BCAR3: variants seen among roughly 807,000 people sequenced by gnomAD.
BCAR3 encodes breast cancer anti-estrogen resistance protein 3.
BCAR3 carries 37 observed loss-of-function variants against 80.1 expected under a neutral mutation model. The ratio of observed to expected loss-of-function variants is 0.46; its 90% CI spans 0.36 to 0.61. The LOEUF (loss-of-function observed/expected upper bound fraction) is 0.61, where lower values mean the gene tolerates loss of function less well. Ranked by LOEUF, BCAR3 falls within the 20% of genes least tolerant of loss-of-function variation. The pLI is 0.00. For missense variants in BCAR3, 978 were observed against 1,068.2 expected (o/e 0.92, Z 1.18); for synonymous variants, 389 against 418.9 (o/e 0.93, Z 0.87).
intron 3 of BCAR3, among the ~76,000 whole-genome samples, chr1:93,620,999 G>A (rs1470866969): frequency 1.3e-5 from 2 of 152,238 alleles, no homozygotes; most frequent in African/African-American, 4.8e-5. Flanking sequence ...AGGCTGCCAA[G>A]TGGCTGAGTG....
intron 2 of BCAR3, among the ~76,000 whole-genome samples, chr1:93,824,928 GAA>G (rs143045573): frequency 0.026 from 3,481 of 133,780 alleles, 464 homozygotes; most frequent in African/African-American, 0.084. Context: ...GCCATCCCAA[GAA>G]AGAGTCTGTG....
chr1:93,845,537 C>T (rs553801623), intron 2 of BCAR3: 1 of 122,682 alleles, frequency 8.2e-6, no homozygotes, highest in East Asian at 2.3e-4. Context: ...ATTAAATAGG[C>T]CTGGCACCAA....
chr1:93,846,741 C>T (rs1331269667), intron 1 of BCAR3: 2 of 392,840 alleles, frequency 5.1e-6, no homozygotes, highest in Admixed American at 7.0e-5. Context: ...CAGTCGCGGG[C>T]CCCGGGCGCG....
At position 93,681,590 on chromosome 1, in the gene BCAR3, A is replaced by AGACTCACCTCCCGGCGCGGCGCT. The variant is rs1415790434; in HGVS notation, c.-27_-12+7dup. On this transcript the variant is annotated splice_region_variant and intron_variant, in intron 1 of 11. Coordinates refer to ENST00000260502, the MANE Select transcript of BCAR3 (RefSeq NM_003567.4). The stretch of plus-strand genomic sequence containing the variant: ...CCCGAGGACGCTGGGCGCGCGGCGG[A>AGACTCACCTCCCGGCGCGGCGCT]GACTCACCTCCCGGCGCGGCGCTGG... 9.2e-4 allele frequency: 140 copies of AGACTCACCTCCCGGCGCGGCGCT among 151,900 alleles called. No homozygotes were observed. Among genetic ancestry groups the AGACTCACCTCCCGGCGCGGCGCT allele is most frequent in the African/African-American group, 2.7e-3 (112 of 41,396 alleles). 9.4% of individuals were successfully genotyped at this position (151,900 alleles called of 1,614,324 possible).
chr1:93,603,474 T>C (rs146217516), intron 3 of BCAR3, among the ~76,000 whole-genome samples: 1 of 152,382 alleles, frequency 6.6e-6, no homozygotes, highest in East Asian at 1.9e-4. Context: ...CTGAGACTTC[T>C]CTGCCTTTTA....
At chr1:93,571,871 C>A in intron 8 of BCAR3, 30 bp from the exon 9 acceptor site, 1 of 1,601,202 alleles carries the variant, frequency 6.2e-7, no homozygotes, top group Non-Finnish European at 8.5e-7. Context: ...CGGTCAGGTT[C>A]AGGGCCAATG....
Position 93,636,187 on chromosome 1 carries a change from A to T in BCAR3, c.357+6117T>A, listed in dbSNP as rs541640879. Among the ~76,000 whole-genome samples, 91 of 152,310 alleles carry T rather than the reference A, an allele frequency of 6.0e-4. 1 individual carries two copies. Among genetic ancestry groups the T allele is most frequent in the Middle Eastern group, 3.4e-3 (1 of 294 alleles). On this transcript the variant is annotated intron_variant, in intron 3 of 11. Transcript: ENST00000260502. ...AATTTTCAGAGCATTGACCCCAGAA[A>T]GGACAGCTTCCTGAGTTTCTCTGGG... is the stretch of plus-strand genomic sequence containing the variant.
At chr1:93,682,074 C>T (rs575063199), upstream of BCAR3, among the ~76,000 whole-genome samples, 7 of 152,310 alleles carry the variant, frequency 4.6e-5, no homozygotes, top group South Asian at 8.3e-4. Context: ...GAGACAGCCT[C>T]GTCGAATCCA....
chr1:93,738,591 G>T (rs17387796), intron 2 of BCAR3, among the ~76,000 whole-genome samples: 2,079 of 152,304 alleles, frequency 0.014, 30 homozygotes, highest in Non-Finnish European at 0.017. Flanking sequence ...TTCCATGGTG[G>T]TTAACAGCTT....
intron 2 of BCAR3, among the ~76,000 whole-genome samples, chr1:93,660,797 C>T (rs2101930459): frequency 6.6e-6 from 1 of 152,400 alleles, no homozygotes; most frequent in East Asian, 1.9e-4. Flanking sequence ...TTACTGCAAC[C>T]TCTGCCACCC....
chr1:93,701,627 C>T (rs1442321252), intron 3 of BCAR3, among the ~76,000 whole-genome samples: 1 of 152,212 alleles, frequency 6.6e-6, no homozygotes, highest in Admixed American at 6.5e-5. Context: ...TGATGAGGGG[C>T]TGGGCAGGCC....
intron 2 of BCAR3, among the ~76,000 whole-genome samples, chr1:93,769,129 C>T (rs185940370): frequency 1.8e-4 from 27 of 152,226 alleles, no homozygotes; most frequent in African/African-American, 6.5e-4. Context: ...GAGCAGCAGA[C>T]GATATAACTT....
intron 2 of BCAR3, among the ~76,000 whole-genome samples, chr1:93,788,693 T>C (rs1653034367): frequency 6.6e-6 from 1 of 152,212 alleles, no homozygotes; most frequent in African/African-American, 2.4e-5. Context: ...TAATCTGAGA[T>C]GACTGTGGGG....
In BCAR3 at chr1:93,582,538, C is replaced by A; in HGVS notation, c.1449G>T (p.Arg483Ser). The A allele has an allele frequency of 6.2e-7, 1 of 1,613,716 alleles. No individual in the cohort carries two copies. Among genetic ancestry groups the A allele is most frequent in the Non-Finnish European group, 8.5e-7 (1 of 1,179,860 alleles). The change falls in exon 7 of 12, where the codon AGG becomes AGT. Residue 483 changes from arginine to serine, a missense_variant. Coordinates refer to ENST00000260502, the MANE Select transcript of BCAR3 (RefSeq NM_003567.4). ...CTGCCGCAGGTTCCCAAGGTCTTTC[C>A]CTGTCATCATCATCAAGGATCAAGT... ...VNYLILDDDD[R>S]ERPWEPAAAQ...
At chr1:93,574,472 G>A (rs1486385377) in intron 8 of BCAR3, among the ~76,000 whole-genome samples, 1 of 152,096 alleles carries the variant, frequency 6.6e-6, no homozygotes, top group Non-Finnish European at 1.5e-5. Flanking sequence ...ACAAGCTAAG[G>A]AGCAAGACCC....
At chr1:93,840,065 A>C (rs1222166689) in intron 2 of BCAR3, among the ~76,000 whole-genome samples, 1 of 152,114 alleles carries the variant, frequency 6.6e-6, no homozygotes, top group Non-Finnish European at 1.5e-5. Context: ...AGGGAGTTTA[A>C]AAAAAATGCT....
chr1:93,748,847 T>C (rs1463513751), intron 2 of BCAR3, among the ~76,000 whole-genome samples: 1 of 152,190 alleles, frequency 6.6e-6, no homozygotes, highest in Non-Finnish European at 1.5e-5. Flanking sequence ...GCCCTCCAGC[T>C]AGATTGGGGT....
chr1:93,603,959 T>A (rs935948835), intron 3 of BCAR3, among the ~76,000 whole-genome samples: 1 of 152,238 alleles, frequency 6.6e-6, no homozygotes, highest in Admixed American at 6.5e-5. Flanking sequence ...GTTTTAGCAT[T>A]CTGAAACACT....
intron 2 of BCAR3, among the ~76,000 whole-genome samples, chr1:93,815,626 G>C (rs750943455): frequency 6.6e-6 from 1 of 152,146 alleles, no homozygotes; most frequent in Non-Finnish European, 1.5e-5. Context: ...GGGGAGGGAA[G>C]TCACTTTTCA....
Sources: allele counts gnomAD v4.1 joint callset (sites outside exome capture counted in the v4.1 genomes callset), GRCh38; gene constraint gnomAD v4.1.1; transcripts MANE v1.5; gene names NCBI Gene and HGNC (gene_info 2026-07-23, HGNC 2026-07-21).